CACNA2D3: variants seen among roughly 807,000 people sequenced by gnomAD.
CACNA2D3 encodes calcium voltage-gated channel auxiliary subunit alpha2delta 3, also known as voltage-dependent calcium channel subunit alpha-2/delta-3.
In CACNA2D3, 60 loss-of-function variants were observed where a neutral mutation model predicts 160.6. The observed-to-expected ratio is 0.37, with a 90% CI of 0.30 to 0.46. The LOEUF is 0.46. CACNA2D3 is among the 20% of genes least tolerant of loss of function. The pLI, the probability that CACNA2D3 is intolerant of heterozygous loss-of-function variation, is 1.00. For missense variants in CACNA2D3, 1,205 were observed against 1,365.0 expected (o/e 0.88, Z 1.85); for synonymous variants, 558 against 492.9 (o/e 1.13, Z -1.75).
At chr3:54,255,476 G>T (rs894119723) in intron 2 of CACNA2D3, among the ~76,000 whole-genome samples, 1 of 152,154 alleles carries the variant, frequency 6.6e-6, no homozygotes, top group African/African-American at 2.4e-5. Flanking sequence ...AATTACAGAA[G>T]ATTTATTTTG....
At chr3:54,940,879 G>A (rs1337001220) in intron 27 of CACNA2D3, among the ~76,000 whole-genome samples, 1 of 152,138 alleles carries the variant, frequency 6.6e-6, no homozygotes, top group African/African-American at 2.4e-5. Context: ...GGGAGCCAAA[G>A]GTATCTGTAT....
At chr3:54,290,003 G>T (rs1477464842) in intron 2 of CACNA2D3, among the ~76,000 whole-genome samples, 2 of 151,364 alleles carry the variant, frequency 1.3e-5, no homozygotes, top group East Asian at 2.0e-4. Flanking sequence ...CATGGGCAAG[G>T]ACTTCATGTC....
intron 11 of CACNA2D3, among the ~76,000 whole-genome samples, chr3:54,733,972 A>G (rs1701445818): frequency 6.6e-6 from 1 of 152,104 alleles, no homozygotes; most frequent in South Asian, 2.1e-4. Context: ...AAAAAAAAAA[A>G]GCACCTTCTT....
In CACNA2D3 at chr3:54,502,896, C is replaced by T. The variant is rs372912031; in HGVS notation, c.382-596C>T. On this transcript the variant is annotated intron_variant, in intron 4 of 37. Coordinates refer to ENST00000474759, the MANE Select transcript of CACNA2D3 (RefSeq NM_018398.3). ...TAGCCATTTGTAAATCATGCCAGCA[C>T]ACTCCCATCTGAGGGCTTTTCCCTT... 3.9e-5 allele frequency among the ~76,000 whole-genome samples: 6 copies of T among 152,294 alleles called. No homozygotes were observed. In the South Asian group the frequency reaches 1.2e-3, roughly 32 times the overall value.
chr3:54,710,271 T>C (rs1700931047), intron 11 of CACNA2D3, among the ~76,000 whole-genome samples: 1 of 152,206 alleles, frequency 6.6e-6, no homozygotes, highest in Non-Finnish European at 1.5e-5. Flanking sequence ...TGAAGAAATA[T>C]TTGTATTAAC....
chr3:54,565,467 C>T (rs1575349240), intron 6 of CACNA2D3, among the ~76,000 whole-genome samples: 1 of 152,090 alleles, frequency 6.6e-6, no homozygotes, highest in East Asian at 1.9e-4. Flanking sequence ...TAGGCCTTCA[C>T]CAGTTCAATT....
At chr3:54,879,218 A>T (rs1286507774) in intron 19 of CACNA2D3, 129 bp downstream of exon 19, 1 of 867,802 alleles carries the variant, frequency 1.2e-6, no homozygotes, top group African/African-American at 1.7e-5. Context: ...TACTTATCTC[A>T]AACAAGATTC....
At chr3:54,233,867 C>T (rs1447383392) in intron 2 of CACNA2D3, among the ~76,000 whole-genome samples, 1 of 152,150 alleles carries the variant, frequency 6.6e-6, no homozygotes, top group Non-Finnish European at 1.5e-5. Context: ...ACAGAGGATA[C>T]TGACTATTGG....
chr3:55,001,411 T>C (rs1339126909), intron 31 of CACNA2D3, among the ~76,000 whole-genome samples: 2 of 152,246 alleles, frequency 1.3e-5, no homozygotes, highest in East Asian at 3.9e-4. Flanking sequence ...GCTATAGCTC[T>C]GCCTCCTGTT....
intron 35 of CACNA2D3, among the ~76,000 whole-genome samples, chr3:55,028,415 G>A (rs1703610832): frequency 6.6e-6 from 1 of 152,162 alleles, no homozygotes; most frequent in Admixed American, 6.5e-5. Flanking sequence ...ATACCCCACT[G>A]ATTATTAAAT....
At chr3:54,368,983 G>A (rs1338844924) in intron 3 of CACNA2D3, among the ~76,000 whole-genome samples, 1 of 152,012 alleles carries the variant, frequency 6.6e-6, no homozygotes, top group African/African-American at 2.4e-5. Flanking sequence ...TTACAGGTGT[G>A]AGCCACTGCG....
At chr3:54,488,639 G>A (rs1334822764) in intron 4 of CACNA2D3, among the ~76,000 whole-genome samples, 2 of 152,080 alleles carry the variant, frequency 1.3e-5, no homozygotes, top group African/African-American at 4.8e-5. Flanking sequence ...CATTGCTGAG[G>A]TGGGACACTC....
At chr3:54,185,279 C>CT (rs891081524) in intron 2 of CACNA2D3, among the ~76,000 whole-genome samples, 15 of 151,546 alleles carry the variant, frequency 9.9e-5, no homozygotes, top group South Asian at 2.1e-4. Flanking sequence ...CAGAATTGAA[C>CT]TTTTTTTTTC....
At chr3:54,147,177 G>C (rs1363570847) in intron 2 of CACNA2D3, among the ~76,000 whole-genome samples, 1 of 152,238 alleles carries the variant, frequency 6.6e-6, no homozygotes, top group Non-Finnish European at 1.5e-5. Flanking sequence ...CTGCCTGCTG[G>C]CTGTCACTTG....
intron 11 of CACNA2D3, among the ~76,000 whole-genome samples, chr3:54,733,511 G>T (rs1013341461): frequency 6.6e-6 from 1 of 152,184 alleles, no homozygotes; most frequent in African/African-American, 2.4e-5. Context: ...TTTGCAATTT[G>T]AAGCAGCTAA....
At chr3:54,652,941 C>T (rs916190643) in intron 11 of CACNA2D3, among the ~76,000 whole-genome samples, 1 of 152,022 alleles carries the variant, frequency 6.6e-6, no homozygotes, top group Non-Finnish European at 1.5e-5. Flanking sequence ...CACCACCACA[C>T]CCGGCTAATT....
chr3:54,449,565 G>C (rs370996576), intron 4 of CACNA2D3, among the ~76,000 whole-genome samples: 1 of 152,200 alleles, frequency 6.6e-6, no homozygotes, highest in Non-Finnish European at 1.5e-5. Context: ...CATTGTTGGA[G>C]GTGGGGCCTG....
At chr3:54,854,081 G>A (rs748877526) in intron 17 of CACNA2D3, among the ~76,000 whole-genome samples, 4 of 152,168 alleles carry the variant, frequency 2.6e-5, no homozygotes, top group East Asian at 1.9e-4. Flanking sequence ...AACAGAGCCC[G>A]GGCGACTGCA....
At chr3:54,469,531 G>T (rs757148093) in intron 4 of CACNA2D3, among the ~76,000 whole-genome samples, 1 of 152,046 alleles carries the variant, frequency 6.6e-6, no homozygotes, top group Non-Finnish European at 1.5e-5. Flanking sequence ...TCCTCCAAAG[G>T]ATCACAACGC....
Sources: gnomAD v4.1 joint callset for allele counts (sites outside exome capture counted in the v4.1 genomes callset) on GRCh38, gnomAD v4.1.1 for gene constraint, MANE v1.5 for transcripts, NCBI Gene and HGNC (gene_info 2026-07-23, HGNC 2026-07-21) for gene names.